PICALM: variants seen among roughly 807,000 people sequenced by gnomAD.
PICALM encodes the protein phosphatidylinositol binding clathrin assembly protein, also known as phosphatidylinositol-binding clathrin assembly protein.
Under a neutral mutation model 80.5 loss-of-function variants are expected in PICALM, and 40 were observed. The ratio of observed to expected loss-of-function variants is 0.50; its 90% CI spans 0.39 to 0.65. PICALM has a LOEUF of 0.65. Among genes scored for constraint, PICALM ranks in the 30% least tolerant of loss-of-function variants. The pLI, the probability that PICALM is intolerant of heterozygous loss-of-function variation, is 0.00. For missense variants in PICALM, 676 were observed against 778.9 expected, an observed-to-expected ratio of 0.87 and a Z score of 1.57; for synonymous variants, 288 against 260.3, an observed-to-expected ratio of 1.11 and a Z score of -1.02.
intron 4 of PICALM, among the ~76,000 whole-genome samples, chr11:86,021,928 T>C (rs1368982029): frequency 1.3e-5 from 2 of 152,186 alleles, no homozygotes; most frequent in Non-Finnish European, 2.9e-5. Context: ...AGGTCACATA[T>C]TGTATAATTT....
intron 13 of PICALM, among the ~76,000 whole-genome samples, chr11:85,986,346 T>C (rs1263236421): frequency 6.8e-6 from 1 of 147,834 alleles, no homozygotes; most frequent in Non-Finnish European, 1.5e-5. Flanking sequence ...TGTGAAACTA[T>C]CAGGACTGCC....
At chr11:85,976,704 T>C in intron 17 of PICALM, 22 bp from the exon 18 acceptor site, 2 of 1,475,128 alleles carry the variant, frequency 1.4e-6, no homozygotes, top group Non-Finnish European at 1.9e-6. Context: ...AAAGGAAAAA[T>C]GAACAAGAAA....
intron 1 of PICALM, 39 bp from the exon 2 acceptor site, chr11:86,031,650 G>C (rs765852094): frequency 3.5e-5 from 53 of 1,495,514 alleles, no homozygotes; most frequent in South Asian, 1.6e-4. Flanking sequence ...TTTCCTCTGT[G>C]GTTTTAATTT....
intron 2 of PICALM, among the ~76,000 whole-genome samples, chr11:86,028,322 A>C (rs1452127920): frequency 6.6e-6 from 1 of 152,210 alleles, no homozygotes; most frequent in Non-Finnish European, 1.5e-5. Context: ...AAGAATGGCA[A>C]TGTGGAAGGT....
chr11:86,061,112 T>A (rs1295200726), intron 1 of PICALM, among the ~76,000 whole-genome samples: 4 of 151,952 alleles, frequency 2.6e-5, no homozygotes, highest in African/African-American at 7.2e-5. Flanking sequence ...GCGGATCACC[T>A]GAGATGAGGA....
At chr11:86,024,352 G>A (rs2095615475) in intron 3 of PICALM, among the ~76,000 whole-genome samples, 1 of 149,978 alleles carries the variant, frequency 6.7e-6, no homozygotes, top group Non-Finnish European at 1.5e-5. Flanking sequence ...AGCAATACCT[G>A]CACTTACCAA....
At chr11:85,986,816 G>A (rs1338294311) in intron 13 of PICALM, among the ~76,000 whole-genome samples, 1 of 152,186 alleles carries the variant, frequency 6.6e-6, no homozygotes, top group Non-Finnish European at 1.5e-5. Flanking sequence ...GCTAAAAAGA[G>A]CAGGCGCTGA....
At chr11:85,982,055 A>T in intron 14 of PICALM, 52 bp from the exon 15 acceptor site, 1 of 1,558,074 alleles carries the variant, frequency 6.4e-7, no homozygotes, top group Non-Finnish European at 8.8e-7. Context: ...TTATGACGCT[A>T]TGGTTTTCTA....
chr11:86,058,631 C>T (rs1438059900), intron 1 of PICALM, among the ~76,000 whole-genome samples: 1 of 152,202 alleles, frequency 6.6e-6, no homozygotes, highest in African/African-American at 2.4e-5. Context: ...ATTTTTACCA[C>T]CATTGCTACC....
intron 1 of PICALM, among the ~76,000 whole-genome samples, chr11:86,055,240 G>A (rs1376380693): frequency 6.6e-6 from 1 of 150,638 alleles, no homozygotes; most frequent in Non-Finnish European, 1.5e-5. Context: ...TAAGGCAGGA[G>A]AATCGCTTGA....
At chr11:86,068,432 G>C (rs1036931303) in intron 1 of PICALM, among the ~76,000 whole-genome samples, 1 of 152,154 alleles carries the variant, frequency 6.6e-6, no homozygotes, top group Non-Finnish European at 1.5e-5. Context: ...GAATAGGGAG[G>C]GGAGTGGCTT....
intron 1 of PICALM, among the ~76,000 whole-genome samples, chr11:86,038,318 C>T (rs1453762963): frequency 2.0e-5 from 3 of 151,796 alleles, no homozygotes. Flanking sequence ...GAGACTCCAT[C>T]CGAAAAAAAT....
chr11:86,024,478 T>C (rs1297569157), intron 3 of PICALM, among the ~76,000 whole-genome samples: 2 of 149,148 alleles, frequency 1.3e-5, no homozygotes, highest in Admixed American at 6.7e-5. Context: ...AGAACCACAG[T>C]TCAGGCCCTG....
intron 9 of PICALM, among the ~76,000 whole-genome samples, chr11:86,002,240 C>A (rs2095165415): frequency 6.6e-6 from 1 of 152,182 alleles, no homozygotes; most frequent in South Asian, 2.1e-4. Context: ...AAGTACAAAT[C>A]TAGGATTAAA....
At chr11:86,068,623 A>G (rs550563225) in intron 1 of PICALM, 28 bp downstream of exon 1, 2 of 1,594,522 alleles carry the variant, frequency 1.3e-6, no homozygotes, top group African/African-American at 1.4e-5. Context: ...GGCGCCGGGG[A>G]GCGGGGGCCG....
chr11:86,038,220 T>TGACACAGGAGAATCGCTTG (rs1450517861), intron 1 of PICALM, among the ~76,000 whole-genome samples: 1 of 152,000 alleles, frequency 6.6e-6, no homozygotes, highest in Non-Finnish European at 1.5e-5. Context: ...CTTGGGAGGC[T>TGACACAGGAGAATCGCTTG]GACACAGGAG....
chr11:86,061,156 C>T (rs2096356204), intron 1 of PICALM, among the ~76,000 whole-genome samples: 2 of 151,746 alleles, frequency 1.3e-5, no homozygotes, highest in African/African-American at 4.8e-5. Flanking sequence ...TGGTCAAACG[C>T]CATCTCTACT....
intron 7 of PICALM, 142 bp downstream of exon 7, chr11:86,010,888 C>A: frequency 1.7e-6 from 1 of 584,192 alleles, no homozygotes; most frequent in South Asian, 2.2e-5. Flanking sequence ...TCATATCTTG[C>A]CACAGAATTC....
intron 19 of PICALM, among the ~76,000 whole-genome samples, chr11:85,960,303 T>A (rs1455759247): frequency 6.6e-6 from 1 of 152,150 alleles, no homozygotes; most frequent in African/African-American, 2.4e-5. Flanking sequence ...GGCTAGAGCA[T>A]CAAGAAGAAC....
Sources: gnomAD v4.1 joint callset for allele counts (sites outside exome capture counted in the v4.1 genomes callset) on GRCh38, gnomAD v4.1.1 for gene constraint, MANE v1.5 for transcripts, NCBI Gene and HGNC (gene_info 2026-07-23, HGNC 2026-07-21) for gene names.